The following EYS variants were observed in gnomAD, a reference collection of about 807,000 sequenced individuals.
EYS encodes the protein EGF-like photoreceptor maintenance factor.
In EYS, 250 loss-of-function variants were observed where a neutral mutation model predicts 282.1. The ratio of observed to expected loss-of-function variants is 0.89; its 90% confidence interval spans 0.80 to 0.98. The LOEUF is 0.98. EYS is among the 50% of genes least tolerant of loss of function. The probability of loss-of-function intolerance (pLI) is 0.00; values close to 1 mark genes in which losing one functional copy is unlikely to be tolerated. For missense variants in EYS, 4,016 were observed against 3,709.0 expected, an observed-to-expected ratio of 1.08 and a Z score of -2.15; for synonymous variants, 1,355 against 1,282.9, an observed-to-expected ratio of 1.06 and a Z score of -1.20.
At position 63,991,092 on chromosome 6, in the gene EYS, T is replaced by C. The variant is rs148178802; in HGVS notation, c.6835-6489A>G. ...GATCCAGAGAACCTGTAGTATCATA[T>C]ACAGAAAGTAAAGGGAGCAAGAGAT... On this transcript the variant is annotated intron_variant, in intron 34 of 42. Coordinates refer to ENST00000503581, the MANE Select transcript of EYS (RefSeq NM_001142800.2). 2.1e-3 allele frequency among the ~76,000 whole-genome samples: 320 copies of C among 151,818 alleles called. 2 individuals carry two copies. The highest frequency in any genetic ancestry group is 7.4e-3 in the African/African-American group (308 of 41,482).
intron 12 of EYS, among the ~76,000 whole-genome samples, chr6:65,202,254 C>T (rs191005570): frequency 4.3e-4 from 66 of 152,078 alleles, no homozygotes; most frequent in Middle Eastern, 6.8e-3. Context: ...TAAAGGAAAT[C>T]GGGTATTCTG....
chr6:64,988,263 G>A (rs1470105935), intron 14 of EYS, among the ~76,000 whole-genome samples: 1 of 151,490 alleles, frequency 6.6e-6, no homozygotes, highest in Non-Finnish European at 1.5e-5. Context: ...GAGGTGTTTT[G>A]CTTTGTGTCT....
At chr6:65,046,379 A>T (rs766260544) in intron 13 of EYS, among the ~76,000 whole-genome samples, 1 of 151,918 alleles carries the variant, frequency 6.6e-6, no homozygotes, top group African/African-American at 2.4e-5. Context: ...GTAGAAGTGC[A>T]TTCGGCTCAG....
At chr6:65,565,890 T>G (rs892920261) in intron 2 of EYS, among the ~76,000 whole-genome samples, 6 of 151,288 alleles carry the variant, frequency 4.0e-5, no homozygotes, top group African/African-American at 9.7e-5. Flanking sequence ...TAAGTGGGAG[T>G]TGAACAATTA....
At chr6:65,465,009 C>A (rs1764949419) in intron 5 of EYS, among the ~76,000 whole-genome samples, 1 of 151,870 alleles carries the variant, frequency 6.6e-6, no homozygotes, top group African/African-American at 2.4e-5. Context: ...GATAGTTCTA[C>A]AAAAATAGAG....
chr6:64,777,796 TAA>T (rs1362229668), intron 22 of EYS, among the ~76,000 whole-genome samples: 1 of 152,148 alleles, frequency 6.6e-6, no homozygotes, highest in Non-Finnish European at 1.5e-5. Flanking sequence ...CACACTATTT[TAA>T]TCTGAGGAAA....
intron 41 of EYS, among the ~76,000 whole-genome samples, chr6:63,754,848 C>T (rs1769436882): frequency 2.0e-5 from 3 of 152,114 alleles, no homozygotes; most frequent in Admixed American, 6.6e-5. Flanking sequence ...CTCTCCAGCA[C>T]CTGTTGTTTC....
chr6:65,617,374 G>A (rs1050536724), intron 2 of EYS, among the ~76,000 whole-genome samples: 1 of 151,916 alleles, frequency 6.6e-6, no homozygotes, highest in African/African-American at 2.4e-5. Flanking sequence ...CACTTGTTAC[G>A]ACTTCAAAAA....
chr6:64,019,982 A>G (rs1316594012), intron 33 of EYS, among the ~76,000 whole-genome samples: 1 of 151,842 alleles, frequency 6.6e-6, no homozygotes, highest in African/African-American at 2.4e-5. Flanking sequence ...TAGATCAGAA[A>G]GCAATAGTGT....
chr6:64,766,683 T>TATATATATATATATAA (rs1250908125), intron 22 of EYS, among the ~76,000 whole-genome samples: 4 of 111,316 alleles, frequency 3.6e-5, no homozygotes, highest in Admixed American at 9.4e-5. Flanking sequence ...TATATATATA[T>TATATATATATATATAA]AAAATCTAAC....
At chr6:64,233,490 A>T (rs1766491846) in intron 30 of EYS, among the ~76,000 whole-genome samples, 1 of 152,232 alleles carries the variant, frequency 6.6e-6, no homozygotes, top group South Asian at 2.1e-4. Context: ...ATATCAAGTG[A>T]CTGTGGAGGT....
chr6:65,319,951 C>A (rs1769424762), intron 11 of EYS, among the ~76,000 whole-genome samples: 1 of 152,016 alleles, frequency 6.6e-6, no homozygotes, highest in East Asian at 1.9e-4. Context: ...TTTCTGTTTG[C>A]CAGCTTATTT....
At chr6:64,705,776 A>G (rs1469924788) in intron 22 of EYS, among the ~76,000 whole-genome samples, 1 of 142,380 alleles carries the variant, frequency 7.0e-6, no homozygotes, top group Admixed American at 7.3e-5. Context: ...GAATTGAACA[A>G]TGAGATCACA....
intron 36 of EYS, among the ~76,000 whole-genome samples, chr6:63,852,567 G>A (rs555665144): frequency 9.9e-5 from 15 of 152,226 alleles, no homozygotes; most frequent in African/African-American, 3.6e-4. Flanking sequence ...AGAGGAGTTG[G>A]TACCATTCCT....
chr6:64,795,103 C>G (rs1774314579), intron 22 of EYS, among the ~76,000 whole-genome samples: 1 of 151,872 alleles, frequency 6.6e-6, no homozygotes, highest in African/African-American at 2.4e-5. Flanking sequence ...GGCATGGTGG[C>G]AGATGTTTGT....
In EYS at chr6:65,238,630, T is replaced by C. The variant is rs144343007; in HGVS notation, c.2023+57233A>G. Among the ~76,000 whole-genome samples, 797 of 152,168 alleles carry C rather than the reference T, an allele frequency of 5.2e-3. 6 individuals carry two copies. Among genetic ancestry groups the C allele is most frequent in the African/African-American group, 0.018 (763 of 41,566 alleles). On this transcript the variant is annotated intron_variant, in intron 12 of 42. Coordinates refer to ENST00000503581, the MANE Select transcript of EYS (RefSeq NM_001142800.2). ...TAAAAAATAATGATCCACCATAATG[T>C]TGTTATTGCTATTATGACTAACATG...
At chr6:64,923,770 A>C (rs1768426817) in intron 15 of EYS, among the ~76,000 whole-genome samples, 2 of 152,184 alleles carry the variant, frequency 1.3e-5, no homozygotes, top group South Asian at 4.1e-4. Context: ...AAAGCTCCAA[A>C]ATGATCTCCT....
At chr6:64,582,474 T>C (rs1025802229) in intron 26 of EYS, among the ~76,000 whole-genome samples, 1 of 152,112 alleles carries the variant, frequency 6.6e-6, no homozygotes, top group African/African-American at 2.4e-5. Flanking sequence ...TGGGGACTGC[T>C]GATGTACATG....
intron 15 of EYS, among the ~76,000 whole-genome samples, chr6:64,926,331 G>T (rs937739006): frequency 7.9e-5 from 12 of 152,186 alleles, no homozygotes; most frequent in Non-Finnish European, 1.6e-4. Context: ...TGCCACTTGT[G>T]CTGGCTGGCA....
Sources: gnomAD v4.1 joint callset for allele counts (sites outside exome capture counted in the v4.1 genomes callset) on GRCh38, gnomAD v4.1.1 for gene constraint, MANE v1.5 for transcripts, NCBI Gene and HGNC (gene_info 2026-07-23, HGNC 2026-07-21) for gene names.